ADGRA3: variants seen among roughly 807,000 people sequenced by gnomAD.
ADGRA3 encodes G-protein coupled receptor 125.
ADGRA3 carries 56 observed loss-of-function variants against 119.8 expected under a neutral mutation model. The observed-to-expected ratio is 0.47, with a 90% CI of 0.38 to 0.58. The LOEUF is 0.58. Among genes scored for constraint, ADGRA3 ranks in the 20% least tolerant of loss-of-function variants. ADGRA3 has a pLI of 0.00. For missense variants in ADGRA3, 1,516 were observed against 1,649.0 expected (o/e 0.92, Z 1.40); for synonymous variants, 607 against 623.8 (o/e 0.97, Z 0.40).
intron 10 of ADGRA3, among the ~76,000 whole-genome samples, chr4:22,429,158 A>C (rs1045628837): frequency 2.0e-5 from 3 of 152,216 alleles, no homozygotes; most frequent in Non-Finnish European, 2.9e-5. Flanking sequence ...AATTGTGCTA[A>C]TCTGTAAATA....
At chr4:22,497,322 T>C (rs1246893697) in intron 1 of ADGRA3, among the ~76,000 whole-genome samples, 1 of 152,056 alleles carries the variant, frequency 6.6e-6, no homozygotes, top group Admixed American at 6.5e-5. Context: ...TGTGTGTGTA[T>C]TTGTATACAC....
chr4:22,508,388 A>T (rs1719317679), intron 1 of ADGRA3, among the ~76,000 whole-genome samples: 1 of 152,174 alleles, frequency 6.6e-6, no homozygotes, highest in Admixed American at 6.6e-5. Context: ...TGAAGCAAAT[A>T]ATTTGTATAA....
At chr4:22,485,403 C>T (rs903558797) in intron 1 of ADGRA3, among the ~76,000 whole-genome samples, 9 of 152,182 alleles carry the variant, frequency 5.9e-5, no homozygotes, top group African/African-American at 1.9e-4. Context: ...CTTGTAAGAA[C>T]TCCTCCTTTG....
intron 1 of ADGRA3, among the ~76,000 whole-genome samples, chr4:22,482,723 C>A (rs924212167): frequency 1.3e-5 from 2 of 152,110 alleles, no homozygotes; most frequent in Non-Finnish European, 2.9e-5. Context: ...AAACAATTAC[C>A]AAAAATTTGC....
In ADGRA3 at chr4:22,491,270, C is replaced by T. The variant is rs116734733; in HGVS notation, c.258-17427G>A. On this transcript the variant is annotated intron_variant, in intron 1 of 18. Transcript: ENST00000334304. ...GTCAAGAAACTTGCCAGGTGCCAGA[C>T]GGCAAATACTTTGGGCTTTGCAGGC... 5.2e-3 allele frequency among the ~76,000 whole-genome samples: 794 copies of T among 152,250 alleles called. 7 individuals are homozygous for T. Among genetic ancestry groups the T allele is most frequent in the African/African-American group, 0.017 (716 of 41,550 alleles).
chr4:22,410,951 T>C (rs1293641346), intron 14 of ADGRA3, among the ~76,000 whole-genome samples: 2 of 152,164 alleles, frequency 1.3e-5, no homozygotes, highest in Non-Finnish European at 2.9e-5. Context: ...TTTAAGAGAT[T>C]AAAAGTCTGA....
At chr4:22,437,712 T>C (rs147815651) in intron 8 of ADGRA3, among the ~76,000 whole-genome samples, 1 of 152,308 alleles carries the variant, frequency 6.6e-6, no homozygotes, top group East Asian at 1.9e-4. Flanking sequence ...TGGGATTCCA[T>C]GGCTCCCCAA....
At chr4:22,456,020 T>C (rs1418838988) in intron 3 of ADGRA3, among the ~76,000 whole-genome samples, 1 of 152,196 alleles carries the variant, frequency 6.6e-6, no homozygotes, top group Non-Finnish European at 1.5e-5. Flanking sequence ...TATTATTCTC[T>C]GTCATAGAGA....
At chr4:22,448,598 G>A (rs2109082481) in intron 4 of ADGRA3, among the ~76,000 whole-genome samples, 1 of 152,288 alleles carries the variant, frequency 6.6e-6, no homozygotes, top group East Asian at 1.9e-4. Context: ...ATTTCCAAGT[G>A]GAGTTGGAGA....
chr4:22,495,263 C>G (rs1235106097), intron 1 of ADGRA3, among the ~76,000 whole-genome samples: 1 of 152,010 alleles, frequency 6.6e-6, no homozygotes, highest in East Asian at 1.9e-4. Flanking sequence ...CTTCCCGCTA[C>G]TCAGAATGGT....
Position 22,388,261 on chromosome 4 carries a change from TGAGGGGTG to T in ADGRA3, c.3402_3409del (p.Thr1135AlafsTer2). On this transcript the variant is annotated frameshift_variant, in exon 19 of 19. Transcript: ENST00000334304. LOFTEE classifies it high-confidence loss of function. The stretch of plus-strand genomic sequence containing the variant: ...ATGTTCTGTCAGACTATTATCAAGC[TGAGGGGTG>T]GAGTTCAAAGGTAAAGAATTGGCAT... 1 of 1,614,002 alleles carries T rather than the reference TGAGGGGTG, an allele frequency of 6.2e-7. No homozygotes were observed. Among genetic ancestry groups the T allele is most frequent in the Non-Finnish European group, 8.5e-7 (1 of 1,179,916 alleles).
intron 1 of ADGRA3, among the ~76,000 whole-genome samples, chr4:22,513,862 A>C (rs1158958671): frequency 1.9e-4 from 28 of 148,476 alleles, no homozygotes; most frequent in South Asian, 4.4e-4. Flanking sequence ...AAAAAAAAAA[A>C]AAAAAAAAAA....
chr4:22,515,740 C>G lies in ADGRA3; in HGVS notation c.45G>C (p.Leu15=). The G allele has an allele frequency of 9.6e-7, 1 of 1,039,160 alleles. No homozygotes were observed. Among genetic ancestry groups the G allele is most frequent in the Non-Finnish European group, 1.2e-6 (1 of 869,506 alleles). The allele number at this position is 1,039,160 out of a possible 1,614,324, so 64.4% of individuals were successfully genotyped here. A position where few individuals can be genotyped will look rare whatever the true frequency, so the allele number is the denominator to read the frequency against. ...GRRRGRAQPP[L]LLPLSLLALL... The stretch of plus-strand genomic sequence containing the variant: ...GCGCTAACAGCGAGAGCGGCAGCAA[C>G]AGCGGCGGCTGCGCGCGGCCCCGCC... Residue 15 remains leucine (L), a synonymous_variant, in exon 1 of 19, where the codon CTG becomes CTC. Transcript: ENST00000334304.
At chr4:22,411,747 T>C (rs1355866798) in intron 14 of ADGRA3, among the ~76,000 whole-genome samples, 3 of 152,158 alleles carry the variant, frequency 2.0e-5, no homozygotes, top group Admixed American at 2.0e-4. Flanking sequence ...TTAATCCCAA[T>C]TGAATAAAGG....
chr4:22,407,157 G>C (rs920145819), intron 14 of ADGRA3, among the ~76,000 whole-genome samples: 1 of 152,188 alleles, frequency 6.6e-6, no homozygotes, highest in East Asian at 1.9e-4. Context: ...TGTAGTCCCA[G>C]CTACGCAGGA....
chr4:22,458,480 T>G (rs13109198), intron 3 of ADGRA3, among the ~76,000 whole-genome samples: 6,116 of 152,280 alleles, frequency 0.04, 196 homozygotes, highest in East Asian at 0.18. Context: ...TCCAGACTCT[T>G]GGTCGGTGTT....
chr4:22,422,773 T>C (rs971369435), intron 11 of ADGRA3, among the ~76,000 whole-genome samples: 1 of 152,150 alleles, frequency 6.6e-6, no homozygotes, highest in African/African-American at 2.4e-5. Flanking sequence ...TTTCAGCTGA[T>C]TAATAAGCAT....
At chr4:22,492,020 C>T (rs972655620) in intron 1 of ADGRA3, among the ~76,000 whole-genome samples, 3 of 152,080 alleles carry the variant, frequency 2.0e-5, no homozygotes, top group Non-Finnish European at 2.9e-5. Flanking sequence ...GATTTTTGGT[C>T]CTTGCTCTTT....
At chr4:22,452,059 G>T (rs997696039) in intron 4 of ADGRA3, among the ~76,000 whole-genome samples, 2 of 152,222 alleles carry the variant, frequency 1.3e-5, no homozygotes, top group African/African-American at 4.8e-5. Flanking sequence ...CACAGCTCTA[G>T]ACCTGTGCCA....
Sources: allele counts gnomAD v4.1 joint callset (sites outside exome capture counted in the v4.1 genomes callset), GRCh38; gene constraint gnomAD v4.1.1; transcripts MANE v1.5; gene names NCBI Gene and HGNC (gene_info 2026-07-23, HGNC 2026-07-21).